The following TMEM117 variants were observed in gnomAD, a reference collection of about 807,000 sequenced individuals.
TMEM117 encodes transmembrane protein 117.
In TMEM117, 27 loss-of-function variants were observed where a neutral mutation model predicts 52.4. That is an observed-to-expected ratio of 0.51 (90% confidence interval 0.38 to 0.71). The LOEUF (loss-of-function observed/expected upper bound fraction) is 0.71, where lower values mean the gene tolerates loss of function less well. Ranked by LOEUF, TMEM117 falls within the 30% of genes least tolerant of loss-of-function variation. The probability of loss-of-function intolerance (pLI) is 0.00; values close to 1 mark genes in which losing one functional copy is unlikely to be tolerated. For missense variants in TMEM117, 556 were observed against 630.5 expected, an observed-to-expected ratio of 0.88 and a Z score of 1.26; for synonymous variants, 215 against 206.3, an observed-to-expected ratio of 1.04 and a Z score of -0.36.
intron 3 of TMEM117, among the ~76,000 whole-genome samples, chr12:44,090,760 A>G (rs1392066427): frequency 6.6e-6 from 1 of 151,936 alleles, no homozygotes; most frequent in Non-Finnish European, 1.5e-5. Context: ...TTTAAAGACA[A>G]GAAAAACACT....
the TMEM117 span, among the ~76,000 whole-genome samples, chr12:43,798,133 CACT>C: frequency 2.0e-5 from 3 of 152,104 alleles, no homozygotes; most frequent in East Asian, 1.9e-4. Context: ...CAGATTACAC[CACT>C]GATTGTAAAA....
chr12:43,851,017 C>CT (rs1483463234), intron 2 of TMEM117, among the ~76,000 whole-genome samples: 1 of 151,914 alleles, frequency 6.6e-6, no homozygotes. Context: ...TAAACAGCTT[C>CT]TTTTTTTTAT....
At chr12:44,258,925 A>C (rs532776773) in intron 5 of TMEM117, among the ~76,000 whole-genome samples, 4 of 152,332 alleles carry the variant, frequency 2.6e-5, no homozygotes, top group Admixed American at 6.5e-5. Context: ...CTGTAAGCAT[A>C]AAGTCACCAT....
intron 3 of TMEM117, among the ~76,000 whole-genome samples, chr12:44,012,589 A>G (rs989144859): frequency 3.3e-5 from 5 of 151,932 alleles, no homozygotes; most frequent in African/African-American, 1.2e-4. Context: ...GTCATGTCCA[A>G]TCTATTAATG....
intron 5 of TMEM117, among the ~76,000 whole-genome samples, chr12:44,273,941 G>A (rs1950480882): frequency 6.6e-6 from 1 of 151,900 alleles, no homozygotes; most frequent in Admixed American, 6.6e-5. Context: ...CAACACTGTT[G>A]GTCAACATAG....
At chr12:44,308,282 C>A (rs564408999) in intron 6 of TMEM117, among the ~76,000 whole-genome samples, 1 of 152,208 alleles carries the variant, frequency 6.6e-6, no homozygotes, top group African/African-American at 2.4e-5. Context: ...CAAGATATAA[C>A]TCATTTGCAT....
intron 5 of TMEM117, among the ~76,000 whole-genome samples, chr12:44,225,694 A>T (rs1171066616): frequency 6.6e-6 from 1 of 152,190 alleles, no homozygotes; most frequent in Non-Finnish European, 1.5e-5. Flanking sequence ...CAGGTCTCTG[A>T]GGTTAATGAA....
In TMEM117 at chr12:44,299,623, A is replaced by G; in HGVS notation, c.652A>G (p.Thr218Ala). 6.2e-7 allele frequency: 1 copy of G among 1,614,224 alleles called. No homozygotes were observed. The highest frequency in any genetic ancestry group is 8.5e-7 in the Non-Finnish European group (1 of 1,180,034). The change falls in exon 6 of 8, where the codon ACA becomes GCA. Residue 218 changes from threonine to alanine, a missense_variant. By Grantham distance (58) the Thr-to-Ala change is moderately conservative. Around this residue, in one of 3 missense-constraint regions of TMEM117, gnomAD observed 328 missense variants for 371.4 expected, o/e 0.88. Transcript: ENST00000266534. ...TLTSVVVLVI[T>A]TDWISWDKLN... ...GACGTCTGTGGTTGTACTTGTGATTACAACGGACTGGATCAGCTGGGACAA... is the reference window on the plus strand; with the variant it reads ...GACGTCTGTGGTTGTACTTGTGATTGCAACGGACTGGATCAGCTGGGACAA...
chr12:43,991,024 C>G (rs1208721963), intron 3 of TMEM117, among the ~76,000 whole-genome samples: 1 of 152,134 alleles, frequency 6.6e-6, no homozygotes, highest in Non-Finnish European at 1.5e-5. Context: ...TATGTGTGAT[C>G]AGTGTCCTGT....
At chr12:44,004,250 TG>T (rs1946160380) in intron 3 of TMEM117, among the ~76,000 whole-genome samples, 1 of 152,178 alleles carries the variant, frequency 6.6e-6, no homozygotes, top group Non-Finnish European at 1.5e-5. Flanking sequence ...TAAGCAGCTT[TG>T]GGAAAATGGA....
chr12:43,826,543 T>C, the TMEM117 span, among the ~76,000 whole-genome samples: 5 of 152,184 alleles, frequency 3.3e-5, no homozygotes, highest in Non-Finnish European at 7.4e-5. Context: ...ATTCCAGGGA[T>C]ATTGGTGGCT....
intron 6 of TMEM117, among the ~76,000 whole-genome samples, chr12:44,370,556 T>G (rs1158917854): frequency 1.3e-5 from 2 of 148,214 alleles, no homozygotes; most frequent in Non-Finnish European, 3.0e-5. Flanking sequence ...TCGCCCAGGC[T>G]GGACAGGCTG....
chr12:44,180,369 A>G (rs1463386997), intron 4 of TMEM117, among the ~76,000 whole-genome samples: 1 of 148,912 alleles, frequency 6.7e-6, no homozygotes, highest in Non-Finnish European at 1.5e-5. Flanking sequence ...TTTTTTTATT[A>G]TACTTTAAGT....
intron 2 of TMEM117, among the ~76,000 whole-genome samples, chr12:43,868,763 T>A (rs1943653753): frequency 6.6e-6 from 1 of 152,180 alleles, no homozygotes; most frequent in African/African-American, 2.4e-5. Context: ...TGCAAATCAT[T>A]GCTCTGTTTT....
the TMEM117 span, among the ~76,000 whole-genome samples, chr12:43,818,786 G>A: frequency 2.6e-5 from 4 of 151,944 alleles, no homozygotes; most frequent in Non-Finnish European, 5.9e-5. Flanking sequence ...TTACCCTTAT[G>A]GTCTCAGTTC....
intron 6 of TMEM117, among the ~76,000 whole-genome samples, chr12:44,368,633 C>G (rs936422973): frequency 2.0e-5 from 3 of 152,090 alleles, no homozygotes; most frequent in African/African-American, 7.2e-5. Flanking sequence ...AGAAATTAGT[C>G]ATTCAGACAA....
chr12:43,840,178 T>G (rs1943095071), intron 1 of TMEM117, among the ~76,000 whole-genome samples: 1 of 152,126 alleles, frequency 6.6e-6, no homozygotes, highest in Admixed American at 6.5e-5. Context: ...TTGCATGGAG[T>G]GTTGAAGCCA....
intron 2 of TMEM117, among the ~76,000 whole-genome samples, chr12:43,889,872 G>A (rs1944070746): frequency 6.6e-6 from 1 of 152,148 alleles, no homozygotes. Flanking sequence ...GTGGTCTTGG[G>A]AAGGGAAGAA....
At chr12:43,904,351 G>A (rs1216693996) in intron 2 of TMEM117, among the ~76,000 whole-genome samples, 1 of 152,038 alleles carries the variant, frequency 6.6e-6, no homozygotes, top group Non-Finnish European at 1.5e-5. Flanking sequence ...TCCAGCCTAG[G>A]GGACAGAGCA....
Sources: allele counts gnomAD v4.1 joint callset (sites outside exome capture counted in the v4.1 genomes callset), GRCh38; gene constraint gnomAD v4.1.1; regional missense constraint gnomAD v4.1.1; transcripts MANE v1.5; gene names NCBI Gene and HGNC (gene_info 2026-07-23, HGNC 2026-07-21).